SLC28A1: variants seen among roughly 807,000 people sequenced by gnomAD.
SLC28A1 encodes the protein sodium/nucleoside cotransporter 1.
In SLC28A1, 64 loss-of-function variants were observed where a neutral mutation model predicts 74.8. The ratio of observed to expected loss-of-function variants is 0.86; its 90% CI spans 0.70 to 1.05. SLC28A1 has a LOEUF of 1.05. Among genes scored for constraint, SLC28A1 ranks in the 50% least tolerant of loss-of-function variants. The probability of loss-of-function intolerance (pLI) is 0.00; values close to 1 mark genes in which losing one functional copy is unlikely to be tolerated. For synonymous variants in SLC28A1, 359 were observed against 335.0 expected, an observed-to-expected ratio of 1.07 and a Z score of -0.78; for missense variants, 828 against 822.8, an observed-to-expected ratio of 1.01 and a Z score of -0.08.
intron 12 of SLC28A1, among the ~76,000 whole-genome samples, chr15:84,925,109 C>T (rs1462797822): frequency 1.7e-5 from 2 of 118,482 alleles, no homozygotes; most frequent in Non-Finnish European, 3.3e-5. Context: ...TTAGTAGAGA[C>T]AGGGTTTCAC....
the SLC28A1 span, among the ~76,000 whole-genome samples, chr15:84,954,200 T>C: frequency 2.0e-5 from 3 of 152,176 alleles, no homozygotes; most frequent in African/African-American, 7.2e-5. Flanking sequence ...GAAAATGGGA[T>C]AGGGTGATCA....
intron 1 of SLC28A1, among the ~76,000 whole-genome samples, chr15:84,885,685 C>T (rs954973456): frequency 4.0e-5 from 6 of 149,134 alleles, no homozygotes; most frequent in East Asian, 2.0e-4. Flanking sequence ...GAACCGAGCT[C>T]GCACCACTGT....
chr15:84,889,657 T>TTCCTTCCTTCCTTCC (rs1965054263), intron 4 of SLC28A1, among the ~76,000 whole-genome samples: 1 of 143,974 alleles, frequency 6.9e-6, no homozygotes, highest in Non-Finnish European at 1.5e-5. Flanking sequence ...TCCTTTTTCT[T>TTCCTTCCTTCCTTCC]TTCTTTCCTT....
At chr15:84,973,431 T>C in the SLC28A1 span, among the ~76,000 whole-genome samples, 4 of 152,194 alleles carry the variant, frequency 2.6e-5, no homozygotes, top group African/African-American at 9.6e-5. Flanking sequence ...TAACTCTAGA[T>C]TGGCTCATGT....
At chr15:84,960,858 C>G in the SLC28A1 span, among the ~76,000 whole-genome samples, 4 of 152,130 alleles carry the variant, frequency 2.6e-5, no homozygotes, top group African/African-American at 7.2e-5. Flanking sequence ...TCTTTTCTTT[C>G]TTTCCCCTTT....
downstream of SLC28A1, among the ~76,000 whole-genome samples, chr15:84,949,366 T>C (rs1188068450): frequency 6.6e-6 from 1 of 152,094 alleles, no homozygotes; most frequent in African/African-American, 2.4e-5. Flanking sequence ...GAGGCAGACT[T>C]ATTAGGAAGG....
At chr15:84,895,951 C>T in intron 6 of SLC28A1, 1 of 983,954 alleles carries the variant, frequency 1.0e-6, no homozygotes, top group Non-Finnish European at 1.2e-6. Flanking sequence ...TTTGAGCCAG[C>T]CTGTGGATGA....
chr15:84,941,275 G>T (rs1449045994), intron 15 of SLC28A1: 1 of 150,876 alleles, frequency 6.6e-6, no homozygotes, highest in African/African-American at 2.4e-5. Context: ...GTGTGATCTC[G>T]GCTCACTGCA....
At chr15:84,938,963 GTGGTAA>G in intron 15 of SLC28A1, among the ~76,000 whole-genome samples, 1 of 152,342 alleles carries the variant, frequency 6.6e-6, no homozygotes, top group East Asian at 1.9e-4. Context: ...GCTAGAGCAG[GTGGTAA>G]TCACAGGCCA....
intron 9 of SLC28A1, among the ~76,000 whole-genome samples, chr15:84,914,639 G>A (rs1968822039): frequency 1.3e-5 from 2 of 152,164 alleles, no homozygotes; most frequent in Admixed American, 1.3e-4. Context: ...CACATATTAG[G>A]GACCTGGCCC....
At chr15:84,955,422 A>C in the SLC28A1 span, among the ~76,000 whole-genome samples, 2 of 152,234 alleles carry the variant, frequency 1.3e-5, no homozygotes, top group Non-Finnish European at 2.9e-5. Context: ...GATGAAACTG[A>C]GGAACGCTTT....
intron 15 of SLC28A1, among the ~76,000 whole-genome samples, chr15:84,941,709 A>G (rs1972734602): frequency 6.6e-6 from 1 of 152,176 alleles, no homozygotes; most frequent in African/African-American, 2.4e-5. Flanking sequence ...CATGGCAAAC[A>G]GGAAATAGAA....
At chr15:84,963,591 G>C in the SLC28A1 span, among the ~76,000 whole-genome samples, 10 of 152,236 alleles carry the variant, frequency 6.6e-5, no homozygotes, top group African/African-American at 1.9e-4. Flanking sequence ...TTCAGCTCTG[G>C]CATGGCCAGG....
At position 84,924,897 on chromosome 15, in the gene SLC28A1, A is replaced by ATTTTT. The variant is rs756910084; in HGVS notation, c.1083+791_1083+795dup. ...GGGTAACTGATTTTATTTTTTATTA[A>ATTTTT]TTTTTTTTGTTTGTTTGTTTTTGAG... On this transcript the variant is annotated intron_variant, in intron 12 of 18. Transcript: ENST00000394573. Among the ~76,000 whole-genome samples the ATTTTT allele has an allele frequency of 6.4e-5, 9 of 139,788 alleles. 1 individual carries two copies. The highest frequency in any genetic ancestry group is 7.1e-5 in the Admixed American group (1 of 14,152). 91.7% of individuals were successfully genotyped at this position (139,788 alleles called of 152,430 possible).
downstream of SLC28A1, among the ~76,000 whole-genome samples, chr15:84,948,803 CTCA>C (rs2079317749): frequency 6.6e-6 from 1 of 152,184 alleles, no homozygotes; most frequent in African/African-American, 2.4e-5. Context: ...TTGCTTAAAC[CTCA>C]TCAAGATAAT....
Position 84,886,707 on chromosome 15 carries a change from A to G in SLC28A1, c.-97A>G, listed in dbSNP as rs1203495630. 7 of 985,524 alleles carry G rather than the reference A, an allele frequency of 7.1e-6. No homozygotes were observed. The Admixed American group carries it at 1.8e-4, about 26-fold the overall frequency. 61.0% of individuals were successfully genotyped at this position (985,524 alleles called of 1,614,324 possible). A position where few individuals can be genotyped will look rare whatever the true frequency, so the allele number is the denominator to read the frequency against. On this transcript the variant is annotated 5_prime_UTR_variant, in exon 2 of 19. Coordinates refer to ENST00000394573, the MANE Select transcript of SLC28A1 (RefSeq NM_004213.5). ...TGAAGTGACAAGGCAAGCCAGAGCC[A>G]AAGCAGGTTGGACCCAGCTTGTCCC...
chr15:84,930,032 C>T (rs1971088347), intron 12 of SLC28A1, among the ~76,000 whole-genome samples: 1 of 152,208 alleles, frequency 6.6e-6, no homozygotes, highest in Admixed American at 6.5e-5. Context: ...CCTGCCTGTG[C>T]AGGACTCAGC....
chr15:84,946,109 TA>T (rs1159394178), downstream of SLC28A1, among the ~76,000 whole-genome samples: 2 of 48,112 alleles, frequency 4.2e-5, no homozygotes, highest in African/African-American at 1.4e-4. Flanking sequence ...TATATATATA[TA>T]TATTTTTTTT....
the SLC28A1 span, among the ~76,000 whole-genome samples, chr15:84,955,489 T>C: frequency 6.6e-6 from 1 of 152,252 alleles, no homozygotes; most frequent in Non-Finnish European, 1.5e-5. Flanking sequence ...CTTGGAACAC[T>C]CGCGCTGCAG....
Sources: allele counts gnomAD v4.1 joint callset (sites outside exome capture counted in the v4.1 genomes callset), GRCh38; gene constraint gnomAD v4.1.1; transcripts MANE v1.5; gene names NCBI Gene and HGNC (gene_info 2026-07-23, HGNC 2026-07-21).